The following GRIN2A variants were observed in gnomAD, a reference collection of about 807,000 sequenced individuals.
GRIN2A encodes glutamate receptor ionotropic, NMDA 2A.
GRIN2A carries 22 observed loss-of-function variants against 113.4 expected under a neutral mutation model. The observed-to-expected ratio is 0.19, with a 90% CI of 0.14 to 0.28. The LOEUF (loss-of-function observed/expected upper bound fraction) is 0.28. Ranked by LOEUF, GRIN2A falls within the 10% of genes least tolerant of loss-of-function variation. The pLI is 1.00. For missense variants in GRIN2A, 1,502 were observed against 1,887.0 expected (o/e 0.80, Z 3.78); for synonymous variants, 827 against 738.4 (o/e 1.12, Z -1.94).
At chr16:10,119,948 G>A (rs1234176451) in intron 2 of GRIN2A, among the ~76,000 whole-genome samples, 2 of 152,170 alleles carry the variant, frequency 1.3e-5, no homozygotes, top group Non-Finnish European at 2.9e-5. Flanking sequence ...ACTCCATGCT[G>A]TATATGTACC....
intron 2 of GRIN2A, among the ~76,000 whole-genome samples, chr16:10,095,402 G>C (rs189931760): frequency 3.9e-5 from 6 of 152,252 alleles, no homozygotes; most frequent in African/African-American, 1.4e-4. Flanking sequence ...AATAACGACA[G>C]TAATGGATTA....
At chr16:9,784,441 C>CAAAAAAAAAAAAAAAAAAAAAAA (rs71400493) in intron 11 of GRIN2A, among the ~76,000 whole-genome samples, 2 of 126,668 alleles carry the variant, frequency 1.6e-5, no homozygotes, top group African/African-American at 3.1e-5. Flanking sequence ...CAACAACAAC[C>CAAAAAAAAAAAAAAAAAAAAAAA]AAAAAAAAAA....
chr16:10,102,153 C>G (rs552375361), intron 2 of GRIN2A, among the ~76,000 whole-genome samples: 1 of 152,152 alleles, frequency 6.6e-6, no homozygotes, highest in African/African-American at 2.4e-5. Flanking sequence ...GGTGTTTGTT[C>G]CCTCCAAACT....
intron 10 of GRIN2A, among the ~76,000 whole-genome samples, chr16:9,818,081 C>A (rs549274637): frequency 6.6e-6 from 1 of 150,992 alleles, no homozygotes; most frequent in African/African-American, 2.4e-5. Context: ...ATTATTATTC[C>A]TTAAACAGCA....
At chr16:10,089,748 A>G (rs1481356056) in intron 2 of GRIN2A, among the ~76,000 whole-genome samples, 2 of 152,174 alleles carry the variant, frequency 1.3e-5, no homozygotes, top group Admixed American at 6.5e-5. Context: ...ACGGGAAACT[A>G]TAAGATTTCA....
intron 2 of GRIN2A, among the ~76,000 whole-genome samples, chr16:9,960,149 A>G (rs974466115): frequency 2.0e-5 from 3 of 152,220 alleles, no homozygotes; most frequent in Non-Finnish European, 4.4e-5. Context: ...TGAGCTTTGC[A>G]TATAGGAGGG....
intron 2 of GRIN2A, among the ~76,000 whole-genome samples, chr16:9,949,441 G>A (rs2045113365): frequency 6.6e-6 from 1 of 151,964 alleles, no homozygotes. Context: ...ATGGGTGGGT[G>A]GATGAATGGA....
intron 3 of GRIN2A, among the ~76,000 whole-genome samples, chr16:9,935,512 TCA>T (rs71157793): frequency 0.12 from 15,818 of 132,644 alleles, 897 homozygotes; most frequent in Non-Finnish European, 0.15. Flanking sequence ...GTCTACTTCA[TCA>T]CACACACACA....
At chr16:10,087,360 C>G (rs145900286) in intron 2 of GRIN2A, among the ~76,000 whole-genome samples, 2 of 152,200 alleles carry the variant, frequency 1.3e-5, no homozygotes, top group African/African-American at 2.4e-5. Context: ...TGGGAGCCAG[C>G]GGAATGTAAG....
At chr16:9,936,767 A>G (rs1336804121) in intron 3 of GRIN2A, among the ~76,000 whole-genome samples, 1 of 152,212 alleles carries the variant, frequency 6.6e-6, no homozygotes, top group African/African-American at 2.4e-5. Context: ...CTTAGAATAT[A>G]AGAAGGGAAA....
At chr16:10,147,273 G>C (rs2049460196) in intron 2 of GRIN2A, among the ~76,000 whole-genome samples, 1 of 151,892 alleles carries the variant, frequency 6.6e-6, no homozygotes, top group South Asian at 2.1e-4. Flanking sequence ...CACGTTCAAA[G>C]ACTGAGAAAC....
chr16:10,093,874 G>A (rs928543597), intron 2 of GRIN2A, among the ~76,000 whole-genome samples: 4 of 152,198 alleles, frequency 2.6e-5, no homozygotes, highest in Non-Finnish European at 4.4e-5. Flanking sequence ...GGAAGAGATT[G>A]TCTGGGAAAC....
At chr16:9,943,673 TA>T (rs1401583052) in intron 2 of GRIN2A, among the ~76,000 whole-genome samples, 1 of 151,812 alleles carries the variant, frequency 6.6e-6, no homozygotes, top group Non-Finnish European at 1.5e-5. Flanking sequence ...GATGAGAGGT[TA>T]AATGACTTCC....
At chr16:9,923,352 G>T (rs1453193622) in intron 3 of GRIN2A, among the ~76,000 whole-genome samples, 1 of 152,050 alleles carries the variant, frequency 6.6e-6, no homozygotes, top group Non-Finnish European at 1.5e-5. Flanking sequence ...TATTTAAAGT[G>T]GGTTTCTTAT....
chr16:9,757,349 A>G lies in GRIN2A; in HGVS notation c.*5800T>C, dbSNP rs201957218. 35 of 221,696 alleles carry G rather than the reference A, an allele frequency of 1.6e-4. No individual in the cohort carries two copies. The East Asian group carries it at 2.2e-3, about 14-fold the overall frequency. 13.7% of individuals were successfully genotyped at this position (221,696 alleles called of 1,614,324 possible). On this transcript the variant is annotated 3_prime_UTR_variant, in exon 13 of 13. Transcript: ENST00000330684. ...ATTCTCCGGAGTTACTTAAAGGTTT[A>G]GGGAAGGACTTTTTTTTTTTTTTTA...
At chr16:9,948,486 G>A (rs543939897) in intron 2 of GRIN2A, among the ~76,000 whole-genome samples, 1 of 152,316 alleles carries the variant, frequency 6.6e-6, no homozygotes, top group East Asian at 1.9e-4. Flanking sequence ...GCATCTCTCA[G>A]AGTGATGGTT....
At chr16:9,850,658 A>C (rs1196278880) in intron 4 of GRIN2A, among the ~76,000 whole-genome samples, 1 of 152,172 alleles carries the variant, frequency 6.6e-6, no homozygotes, top group Non-Finnish European at 1.5e-5. Flanking sequence ...AATTAAAAGC[A>C]TCATTTTGAC....
chr16:10,081,263 G>A (rs1195354973), intron 2 of GRIN2A, among the ~76,000 whole-genome samples: 1 of 152,182 alleles, frequency 6.6e-6, no homozygotes, highest in South Asian at 2.1e-4. Flanking sequence ...CTGGATTAAG[G>A]TGCCTGGTTA....
intron 2 of GRIN2A, among the ~76,000 whole-genome samples, chr16:10,095,879 A>T (rs1321949021): frequency 1.3e-5 from 2 of 152,192 alleles, no homozygotes; most frequent in Non-Finnish European, 2.9e-5. Flanking sequence ...ACAAAAAAAA[A>T]GTGTGAAAGA....
Sources: allele counts gnomAD v4.1 joint callset (sites outside exome capture counted in the v4.1 genomes callset), GRCh38; gene constraint gnomAD v4.1.1; transcripts MANE v1.5; gene names NCBI Gene and HGNC (gene_info 2026-07-23, HGNC 2026-07-21).